ALCAM: variants seen among roughly 807,000 people sequenced by gnomAD.
ALCAM encodes activated leukocyte cell adhesion molecule.
ALCAM carries 30 observed loss-of-function variants against 70.9 expected under a neutral mutation model. That is an observed-to-expected ratio of 0.42 (90% CI 0.32 to 0.57). The LOEUF (loss-of-function observed/expected upper bound fraction) is 0.57, where lower values mean the gene tolerates loss of function less well. ALCAM is among the 20% of genes least tolerant of loss of function. ALCAM has a pLI of 0.11. For missense variants in ALCAM, 591 were observed against 695.1 expected (o/e 0.85, Z 1.68); for synonymous variants, 249 against 242.5 (o/e 1.03, Z -0.25).
chr3:105,380,839 T>C (rs1397989729), intron 1 of ALCAM, among the ~76,000 whole-genome samples: 1 of 151,982 alleles, frequency 6.6e-6, no homozygotes, highest in Non-Finnish European at 1.5e-5. Context: ...ACGGCCATAC[T>C]GGGAAAGGAG....
intron 1 of ALCAM, among the ~76,000 whole-genome samples, chr3:105,428,462 AT>A (rs1936847956): frequency 1.3e-5 from 2 of 151,832 alleles, no homozygotes; most frequent in African/African-American, 4.8e-5. Flanking sequence ...AGTACTCCGT[AT>A]TTTTTAAATA....
chr3:105,517,370 T>A (rs1436296253), intron 1 of ALCAM, among the ~76,000 whole-genome samples: 1 of 152,162 alleles, frequency 6.6e-6, no homozygotes, highest in African/African-American at 2.4e-5. Flanking sequence ...GTTGGCTTTT[T>A]ACCTACTGCC....
chr3:105,503,717 T>C (rs1054170516), intron 1 of ALCAM, among the ~76,000 whole-genome samples: 2 of 152,188 alleles, frequency 1.3e-5, no homozygotes, highest in Non-Finnish European at 2.9e-5. Context: ...TTTAAGGCTT[T>C]CAAAGTATCA....
At chr3:105,442,007 C>T (rs868856456) in intron 1 of ALCAM, among the ~76,000 whole-genome samples, 2 of 152,092 alleles carry the variant, frequency 1.3e-5, no homozygotes, top group African/African-American at 4.8e-5. Context: ...AATAGTCTAA[C>T]ATTAGTTTTA....
Position 105,458,687 on chromosome 3 carries a change from G to A in ALCAM, c.74-61380G>A, listed in dbSNP as rs1937565047. Among the ~76,000 whole-genome samples, 6 of 152,268 alleles carry A rather than the reference G, an allele frequency of 3.9e-5. No individual in the cohort carries two copies. In the South Asian group the frequency reaches 1.0e-3, roughly 26 times the overall value. On this transcript the variant is annotated intron_variant, in intron 1 of 15. Coordinates refer to ENST00000306107, the MANE Select transcript of ALCAM (RefSeq NM_001627.4). ...TAACTGAATACATTCTGATGAGTATGAGATGGTTAAGGTGGATATTAAACC... is the reference window on the plus strand; with the variant it reads ...TAACTGAATACATTCTGATGAGTATAAGATGGTTAAGGTGGATATTAAACC...
chr3:105,487,650 C>A (rs1258642731), intron 1 of ALCAM, among the ~76,000 whole-genome samples: 1 of 152,084 alleles, frequency 6.6e-6, no homozygotes, highest in Non-Finnish European at 1.5e-5. Context: ...ATTCTCCTAG[C>A]AATTATGACT....
chr3:105,500,245 T>C (rs955001409), intron 1 of ALCAM, among the ~76,000 whole-genome samples: 3 of 152,262 alleles, frequency 2.0e-5, no homozygotes, highest in Middle Eastern at 3.4e-3. Context: ...AATGATGAAC[T>C]TTTCCTGTAA....
At chr3:105,528,384 C>G (rs1939760324) in intron 3 of ALCAM, among the ~76,000 whole-genome samples, 3 of 152,178 alleles carry the variant, frequency 2.0e-5, no homozygotes. Flanking sequence ...TTTCTGACCA[C>G]TCCCCAGCCC....
intron 3 of ALCAM, among the ~76,000 whole-genome samples, chr3:105,526,856 T>A (rs543822579): frequency 6.6e-6 from 1 of 152,274 alleles, no homozygotes; most frequent in African/African-American, 2.4e-5. Context: ...GTCCTCTGTT[T>A]CCCTCTGTTG....
intron 1 of ALCAM, among the ~76,000 whole-genome samples, chr3:105,384,005 G>A (rs1935589713): frequency 6.6e-6 from 1 of 151,514 alleles, no homozygotes; most frequent in African/African-American, 2.4e-5. Flanking sequence ...AGTCACGCAG[G>A]CAGTATTTAA....
chr3:105,566,391 T>G (rs756816032), intron 14 of ALCAM, among the ~76,000 whole-genome samples: 8 of 152,218 alleles, frequency 5.3e-5, no homozygotes, highest in Non-Finnish European at 7.3e-5. Context: ...GTGCATATAC[T>G]TACAATTGTT....
intron 4 of ALCAM, 151 bp from the exon 5 acceptor site, chr3:105,533,452 A>G (rs537051127): frequency 1.5e-5 from 7 of 458,034 alleles, no homozygotes; most frequent in East Asian, 1.1e-4. Context: ...TTTTTATACC[A>G]GAGAGCATGT....
chr3:105,504,207 C>G (rs1489725775), intron 1 of ALCAM, among the ~76,000 whole-genome samples: 1 of 152,164 alleles, frequency 6.6e-6, no homozygotes, highest in Non-Finnish European at 1.5e-5. Flanking sequence ...CTCTAGGGAG[C>G]ACACAGACGG....
chr3:105,530,258 A>G (rs565068808), intron 3 of ALCAM, among the ~76,000 whole-genome samples: 1 of 152,168 alleles, frequency 6.6e-6, no homozygotes, highest in South Asian at 2.1e-4. Context: ...TGCCTTTTTA[A>G]AACGTGGATT....
At chr3:105,368,123 GAA>G (rs753700435) in intron 1 of ALCAM, among the ~76,000 whole-genome samples, 1 of 151,600 alleles carries the variant, frequency 6.6e-6, no homozygotes, top group Non-Finnish European at 1.5e-5. Flanking sequence ...GCCAGAACAG[GAA>G]TTAGTAGGTA....
At chr3:105,415,307 G>A (rs1470551309) in intron 1 of ALCAM, among the ~76,000 whole-genome samples, 1 of 152,102 alleles carries the variant, frequency 6.6e-6, no homozygotes, top group Non-Finnish European at 1.5e-5. Flanking sequence ...GGAACATATG[G>A]TTTTCCTGAT....
chr3:105,541,548 T>C, intron 7 of ALCAM, 85 bp from the exon 8 acceptor site: 1 of 1,419,020 alleles, frequency 7.0e-7, no homozygotes, highest in Non-Finnish European at 9.6e-7. Context: ...TCTTACTTGA[T>C]AAAATGCTAT....
intron 1 of ALCAM, among the ~76,000 whole-genome samples, chr3:105,387,422 A>G (rs1454221890): frequency 6.6e-6 from 1 of 151,378 alleles, no homozygotes; most frequent in African/African-American, 2.4e-5. Flanking sequence ...GGTACTACTA[A>G]CTTAAAAAAA....
chr3:105,489,317 T>C (rs6437597), intron 1 of ALCAM, among the ~76,000 whole-genome samples: 2,001 of 152,296 alleles, frequency 0.013, 33 homozygotes, highest in African/African-American at 0.044. Context: ...TTTATATCAA[T>C]AAGTACCACT....
Sources: gnomAD v4.1 joint callset for allele counts (sites outside exome capture counted in the v4.1 genomes callset) on GRCh38, gnomAD v4.1.1 for gene constraint, MANE v1.5 for transcripts, NCBI Gene and HGNC (gene_info 2026-07-23, HGNC 2026-07-21) for gene names.